ZSCAN31: variants seen among roughly 807,000 people sequenced by gnomAD.
The protein encoded by ZSCAN31 is zinc finger and SCAN domain containing 31, also known as zinc finger and SCAN domain-containing protein 31.
A neutral mutation model predicts 22.5 loss-of-function variants in ZSCAN31; 14 were observed. The ratio of observed to expected loss-of-function variants is 0.62; its 90% confidence interval spans 0.41 to 0.97. The LOEUF is 0.97. ZSCAN31 is among the 50% of genes least tolerant of loss of function. The probability of loss-of-function intolerance (pLI) is 0.00; values close to 1 mark genes in which losing one functional copy is unlikely to be tolerated. For synonymous variants in ZSCAN31, 168 were observed against 169.8 expected (o/e 0.99, Z 0.08); for missense variants, 424 against 483.4 (o/e 0.88, Z 1.15).
rs773129851 is a variant in ZSCAN31, at chr6:28,329,563, G to C, written c.121C>G (p.Leu41Val). 2.5e-6 allele frequency: 4 copies of C among 1,614,224 alleles called. No homozygotes were observed. The South Asian group carries it at 3.3e-5, about 13-fold the overall frequency. The stretch of plus-strand genomic sequence containing the variant: ...TCTTGGTAACAAAACTGCCTAAAAA[G>C]TTGTCGGGAGGCTTCTTGGCCAGAA... The part of the protein sequence containing the change: ...NFSGQEASRQ[L>V]FRQFCYQETP... Residue 41 changes from leucine (L) to valine (V), a missense_variant, in exon 2 of 4, where the codon CTT (leucine) becomes GTT (valine). Leu to Val is a conservative substitution (Grantham distance 32, BLOSUM62 1). Coordinates refer to ENST00000344279, the MANE Select transcript of ZSCAN31 (RefSeq NM_030899.5).
Position 28,326,126 on chromosome 6 carries a change from G to A in ZSCAN31, c.*40C>T. ...TATGGATTCTAAAATGCCTAATAAGGTTGCAATGATGACTGAAGGCTTTCC... is the reference window on the plus strand; with the variant it reads ...TATGGATTCTAAAATGCCTAATAAGATTGCAATGATGACTGAAGGCTTTCC... On this transcript the variant is annotated 3_prime_UTR_variant, in exon 4 of 4. Transcript: ENST00000344279. 3.3e-6 allele frequency: 5 copies of A among 1,535,056 alleles called. No homozygotes were observed. The South Asian group carries it at 6.0e-5, about 19-fold the overall frequency.
intron 3 of ZSCAN31, among the ~76,000 whole-genome samples, chr6:28,327,152 C>A (rs1245562182): frequency 6.6e-6 from 1 of 152,152 alleles, no homozygotes; most frequent in Non-Finnish European, 1.5e-5. Flanking sequence ...CATATGTTAA[C>A]TTTTTAAATC....
chr6:28,326,452 C>T lies in ZSCAN31; in HGVS notation c.935G>A (p.Arg312Gln), dbSNP rs746302044. The T allele has an allele frequency of 2.0e-5, 32 of 1,614,016 alleles. No homozygotes were observed. The East Asian group carries it at 2.0e-4, about 10-fold the overall frequency. The change falls in exon 4 of 4, where the codon CGA becomes CAA. Residue 312 changes from arginine to glutamine, a missense_variant. Arg to Gln is a conservative substitution (Grantham distance 43, BLOSUM62 1). Transcript: ENST00000344279. ...TTCCCCTGTGTGGATTCTTCTGTGT[C>T]GAGTGAGGCCATTGCTGGCACTGAA... ...KAFSASNGLT[R>Q]HRRIHTGEKP...
upstream of ZSCAN31, chr6:28,336,922 C>T (rs1764203185): frequency 6.6e-6 from 1 of 152,174 alleles, no homozygotes; most frequent in South Asian, 2.1e-4. Context: ...ACTCAAACCT[C>T]TGTCTTCTGG....
In ZSCAN31 at chr6:28,325,874, A is replaced by T. The variant is rs1763222539; in HGVS notation, c.*292T>A. 3.9e-6 allele frequency: 1 copy of T among 254,792 alleles called. No homozygotes were observed. Among genetic ancestry groups the T allele is most frequent in the Middle Eastern group, 1.3e-3 (1 of 778 alleles). The allele number at this position is 254,792 out of a possible 1,614,324, so 15.8% of individuals were successfully genotyped here. On this transcript the variant is annotated 3_prime_UTR_variant, in exon 4 of 4. Coordinates refer to ENST00000344279, the MANE Select transcript of ZSCAN31 (RefSeq NM_030899.5). Reference sequence around the variant, plus strand: ...ATTTGGTGCCTTTAAAGGAAATCATAAGAAATGGACCAAAGGCTAGGGAAT... The same window carrying T: ...ATTTGGTGCCTTTAAAGGAAATCATTAGAAATGGACCAAAGGCTAGGGAAT...
rs853675 is a variant in ZSCAN31 at position 28,332,814 on chromosome 6, G to C, written c.-95-3036C>G. ...CCCATCTCTAGATACCACCAGGGGT[G>C]TCCCCCTGAACATCCCAACAACAGC... On this transcript the variant is annotated intron_variant, in intron 1 of 3. Coordinates refer to ENST00000344279, the MANE Select transcript of ZSCAN31 (RefSeq NM_030899.5). Among the ~76,000 whole-genome samples the C allele has an allele frequency of 4.1e-3, 626 of 152,296 alleles. 1 individual carries two copies. The highest frequency in any genetic ancestry group is 0.01 in the African/African-American group (436 of 41,558).
chr6:28,332,127 T>C (rs1162102243), intron 1 of ZSCAN31, among the ~76,000 whole-genome samples: 1 of 152,188 alleles, frequency 6.6e-6, no homozygotes, highest in Non-Finnish European at 1.5e-5. Flanking sequence ...CTCTTTCTTC[T>C]TGTCCCCCAA....
At chr6:28,336,591 C>T (rs997315487), upstream of ZSCAN31, among the ~76,000 whole-genome samples, 6 of 150,882 alleles carry the variant, frequency 4.0e-5, no homozygotes, top group East Asian at 1.2e-3. Flanking sequence ...ACTGTTTGGA[C>T]ACTTTCCAAC....
intron 2 of ZSCAN31, among the ~76,000 whole-genome samples, chr6:28,344,364 T>C (rs1193562116): frequency 3.3e-5 from 5 of 151,958 alleles, no homozygotes; most frequent in African/African-American, 1.2e-4. Context: ...ATTGGATGGG[T>C]CCAGCAACAG....
At chr6:28,337,887 T>A (rs1176920084), upstream of ZSCAN31, 2 of 151,608 alleles carry the variant, frequency 1.3e-5, no homozygotes, top group African/African-American at 4.9e-5. Context: ...ATAGTGAGAC[T>A]CTGTCTCTGC....
In ZSCAN31 at chr6:28,347,591, T is replaced by G. The variant is rs1476863971; in HGVS notation, c.-370-5799A>C. 1.3e-5 allele frequency among the ~76,000 whole-genome samples: 2 copies of G among 152,168 alleles called. No homozygotes were observed. Among genetic ancestry groups the G allele is most frequent in the Non-Finnish European group, 2.9e-5 (2 of 68,024 alleles). The stretch of plus-strand genomic sequence containing the variant: ...GTTTGTTTTTGTTTATTATTATTAT[T>G]TTTTTGGCTCAGTCTCCCCTGGAAC... On this transcript the variant is annotated intron_variant, in intron 2 of 7. Coordinates refer to the ZSCAN31 transcript ENST00000396838. The surrounding 1 kb of genome is among the most constrained non-coding windows in gnomAD (Gnocchi z 5.2).
intron 1 of ZSCAN31, among the ~76,000 whole-genome samples, chr6:28,335,104 C>G (rs1009136470): frequency 6.6e-6 from 1 of 152,134 alleles, no homozygotes; most frequent in Non-Finnish European, 1.5e-5. Context: ...CTCTAGGGGT[C>G]TCTCCCACCA....
At chr6:28,341,257 C>T (rs1009413967) in intron 3 of ZSCAN31, among the ~76,000 whole-genome samples, 3 of 152,202 alleles carry the variant, frequency 2.0e-5, no homozygotes, top group African/African-American at 7.2e-5. Context: ...GCTGCTGTAA[C>T]AAAATACCTT....
chr6:28,341,417 G>C (rs951569212), intron 3 of ZSCAN31, among the ~76,000 whole-genome samples: 1 of 152,304 alleles, frequency 6.6e-6, no homozygotes, highest in Non-Finnish European at 1.5e-5. Flanking sequence ...CTCTTCTGGT[G>C]GATGGGGCAA....
At chr6:28,343,619 C>T (rs756331886) in intron 2 of ZSCAN31, among the ~76,000 whole-genome samples, 24 of 140,396 alleles carry the variant, frequency 1.7e-4, no homozygotes, top group Non-Finnish European at 3.3e-4. Context: ...TCTCGGCTCA[C>T]TGCAAGCTCT....
At position 28,347,139 on chromosome 6, in the gene ZSCAN31, T is replaced by C. The variant is rs1764679134; in HGVS notation, c.-370-5347A>G. Among the ~76,000 whole-genome samples, 2 of 152,182 alleles carry C rather than the reference T, an allele frequency of 1.3e-5. No individual in the cohort carries two copies. Among genetic ancestry groups the C allele is most frequent in the South Asian group, 4.1e-4 (2 of 4,834 alleles). ...GCTCCTGAGAGGATCAGCTGGAGCC[T>C]CTCTTGTAACTGCACCACAGTTCAA... On this transcript the variant is annotated intron_variant, in intron 2 of 7. Transcript: ENST00000396838. The surrounding 1 kb of genome is among the most constrained non-coding windows in gnomAD (Gnocchi z 5.2).
At chr6:28,353,840 C>T (rs1231212388) in intron 2 of ZSCAN31, 3 of 457,138 alleles carry the variant, frequency 6.6e-6, no homozygotes, top group East Asian at 6.9e-5. Context: ...ATACTATTAG[C>T]CAACATGTAT....
chr6:28,345,311 A>G lies in ZSCAN31; in HGVS notation c.-370-3519T>C, dbSNP rs189544058. ...TAGAATATTCACCATGGAAAAGGCA[A>G]TGAACAAATAAGCAGACAGAATGAC... On this transcript the variant is annotated intron_variant, in intron 2 of 7. Coordinates refer to the ZSCAN31 transcript ENST00000396838. Among the ~76,000 whole-genome samples, 792 of 152,274 alleles carry G rather than the reference A, an allele frequency of 5.2e-3. 10 individuals are homozygous for G. The highest frequency in any genetic ancestry group is 8.6e-3 in the Non-Finnish European group (585 of 68,010).
At chr6:28,343,989 T>TA (rs1764535708) in intron 2 of ZSCAN31, among the ~76,000 whole-genome samples, 1 of 152,182 alleles carries the variant, frequency 6.6e-6, no homozygotes, top group African/African-American at 2.4e-5. Context: ...TCCCAGGGGC[T>TA]ATGTTATCTC....
Sources: allele counts gnomAD v4.1 joint callset (sites outside exome capture counted in the v4.1 genomes callset), GRCh38; gene constraint gnomAD v4.1.1; non-coding constraint Gnocchi (gnomAD v3.1); transcripts MANE v1.5; gene names NCBI Gene and HGNC (gene_info 2026-07-23, HGNC 2026-07-21).